The following PDE1C variants were observed in gnomAD, a reference collection of about 807,000 sequenced individuals.
The protein encoded by PDE1C is phosphodiesterase 1C, also known as dual specificity calcium/calmodulin-dependent 3',5'-cyclic nucleotide phosphodiesterase 1C.
In PDE1C, 62 loss-of-function variants were observed where a neutral mutation model predicts 93.1. The observed-to-expected ratio is 0.67, with a 90% CI of 0.54 to 0.82. The LOEUF (loss-of-function observed/expected upper bound fraction) is 0.82. Among genes scored for constraint, PDE1C ranks in the 40% least tolerant of loss-of-function variants. The pLI, the probability that PDE1C is intolerant of heterozygous loss-of-function variation, is 0.00. For synonymous variants in PDE1C, 325 were observed against 310.1 expected, an observed-to-expected ratio of 1.05 and a Z score of -0.50; for missense variants, 742 against 884.6, an observed-to-expected ratio of 0.84 and a Z score of 2.04.
upstream of PDE1C, chr7:32,299,531 G>T (rs984196867): frequency 6.7e-6 from 4 of 594,394 alleles, no homozygotes; most frequent in Non-Finnish European, 8.5e-6. Context: ...TTTCGAATTT[G>T]GGTTTGCCCA....
At chr7:31,965,179 G>T (rs559909490) in intron 2 of PDE1C, among the ~76,000 whole-genome samples, 1 of 151,484 alleles carries the variant, frequency 6.6e-6, no homozygotes, top group African/African-American at 2.4e-5. Context: ...GAGGAAGTTC[G>T]AACCAATGGC....
chr7:32,271,099 T>C (rs1810931975), intron 1 of PDE1C, among the ~76,000 whole-genome samples: 1 of 152,190 alleles, frequency 6.6e-6, no homozygotes, highest in South Asian at 2.1e-4. Context: ...GATAGCACCA[T>C]TGCACTCCAG....
At chr7:31,642,581 C>T in the PDE1C span, 88 of 1,062,804 alleles carry the variant, frequency 8.3e-5, no homozygotes, top group Admixed American at 7.8e-4. Context: ...CAACCCTTAT[C>T]TCCTGACTCC....
chr7:31,796,909 C>T (rs985556176), intron 16 of PDE1C, among the ~76,000 whole-genome samples: 2 of 151,694 alleles, frequency 1.3e-5, no homozygotes, highest in African/African-American at 2.4e-5. Context: ...TACCCAGATT[C>T]ATGAGAAAAA....
chr7:31,795,046 G>A (rs1051815895), intron 16 of PDE1C, among the ~76,000 whole-genome samples: 1 of 151,962 alleles, frequency 6.6e-6, no homozygotes, highest in Non-Finnish European at 1.5e-5. Context: ...CTTAAGAAAT[G>A]TAGACATGGT....
chr7:32,147,453 A>C (rs934031015), intron 3 of PDE1C, among the ~76,000 whole-genome samples: 3 of 152,186 alleles, frequency 2.0e-5, no homozygotes, highest in African/African-American at 7.2e-5. Context: ...ATTTTTAATC[A>C]CATACACACA....
At chr7:31,855,697 AAAAAT>A (rs1393942561) in intron 7 of PDE1C, among the ~76,000 whole-genome samples, 3 of 149,996 alleles carry the variant, frequency 2.0e-5, no homozygotes, top group East Asian at 1.9e-4. Context: ...CAAAAAAATA[AAAAAT>A]AAAATAAATA....
chr7:32,056,337 T>TCTCTCTCTCTCTCC (rs1794079913), intron 1 of PDE1C, among the ~76,000 whole-genome samples: 4 of 119,392 alleles, frequency 3.4e-5, no homozygotes, highest in Non-Finnish European at 7.2e-5. Flanking sequence ...TCTCTCTCTC[T>TCTCTCTCTCTCTCC]CTCTCTCTCT....
intron 8 of PDE1C, among the ~76,000 whole-genome samples, chr7:31,849,763 T>C (rs753181750): frequency 4.6e-5 from 7 of 152,278 alleles, no homozygotes; most frequent in African/African-American, 9.6e-5. Flanking sequence ...TTGATTACTA[T>C]GTCAAGGATA....
rs539947749 is a variant in PDE1C, at chr7:31,842,516, T to C, written c.981-4545A>G. ...CTGTTTCATCTTGTGTGAATTTTGG[T>C]AAGTTGTATTTTGCAAGGAATTTAT... On this transcript the variant is annotated intron_variant, in intron 9 of 17. Coordinates refer to ENST00000396191, the MANE Select transcript of PDE1C (RefSeq NM_001191057.4). Among the ~76,000 whole-genome samples, 8 of 152,216 alleles carry C rather than the reference T, an allele frequency of 5.3e-5. No homozygotes were observed. The South Asian group carries it at 1.7e-3, about 32-fold the overall frequency.
chr7:31,987,638 T>A (rs1021281670), intron 2 of PDE1C, among the ~76,000 whole-genome samples: 1 of 152,222 alleles, frequency 6.6e-6, no homozygotes, highest in Non-Finnish European at 1.5e-5. Context: ...CCTTCCCTAA[T>A]AAAACCAACT....
At chr7:32,157,380 C>A (rs144234563) in intron 3 of PDE1C, among the ~76,000 whole-genome samples, 1 of 152,136 alleles carries the variant, frequency 6.6e-6, no homozygotes, top group Non-Finnish European at 1.5e-5. Context: ...TGATGGACAT[C>A]CCCGTTACCC....
chr7:31,993,708 A>ACAG (rs1784407226), intron 2 of PDE1C, among the ~76,000 whole-genome samples: 1 of 152,200 alleles, frequency 6.6e-6, no homozygotes, highest in Admixed American at 6.5e-5. Context: ...AAGATTAAAT[A>ACAG]CAGTAAAAAA....
At chr7:31,945,053 A>T (rs1305020089) in intron 2 of PDE1C, among the ~76,000 whole-genome samples, 1 of 152,074 alleles carries the variant, frequency 6.6e-6, no homozygotes, top group Non-Finnish European at 1.5e-5. Context: ...TCTTTTTAAA[A>T]ATTTTCGTGG....
the PDE1C span, among the ~76,000 whole-genome samples, chr7:31,675,724 T>C: frequency 1.3e-5 from 2 of 151,520 alleles, no homozygotes; most frequent in African/African-American, 4.8e-5. Flanking sequence ...AAAAATAATA[T>C]ATTGGTTAGG....
chr7:31,877,827 A>G (rs1198317191), intron 5 of PDE1C, 143 bp downstream of exon 5: 7 of 602,098 alleles, frequency 1.2e-5, no homozygotes, highest in Non-Finnish European at 1.7e-5. Context: ...CTGTTAGAAC[A>G]AATAATAAAA....
intron 2 of PDE1C, among the ~76,000 whole-genome samples, chr7:32,172,737 G>A (rs571310869): frequency 3.3e-5 from 5 of 150,540 alleles, no homozygotes; most frequent in East Asian, 2.0e-4. Context: ...CAGGAGAATC[G>A]CTTGAACCCA....
chr7:32,308,950 C>T (rs1040441083), intron 1 of PDE1C, among the ~76,000 whole-genome samples: 123 of 151,632 alleles, frequency 8.1e-4, no homozygotes, highest in Non-Finnish European at 4.1e-4. Flanking sequence ...CAAACTACTC[C>T]GAGCTACAGG....
the PDE1C span, among the ~76,000 whole-genome samples, chr7:31,699,750 T>C: frequency 6.6e-6 from 1 of 152,190 alleles, no homozygotes; most frequent in Admixed American, 6.5e-5. Context: ...TGTCTCTGTG[T>C]TGCATTTTAG....
Sources: gnomAD v4.1 joint callset for allele counts (sites outside exome capture counted in the v4.1 genomes callset) on GRCh38, gnomAD v4.1.1 for gene constraint, MANE v1.5 for transcripts, NCBI Gene and HGNC (gene_info 2026-07-23, HGNC 2026-07-21) for gene names.